Variants in TJAP1 observed in about 807,000 individuals in gnomAD.
TJAP1 encodes the protein tight junction-associated protein 1.
A neutral mutation model predicts 42.0 loss-of-function variants in TJAP1; 27 were observed. The ratio of observed to expected loss-of-function variants is 0.64; its 90% CI spans 0.47 to 0.89. The LOEUF (loss-of-function observed/expected upper bound fraction) is 0.89. Ranked by LOEUF, TJAP1 falls within the 40% of genes least tolerant of loss-of-function variation. The probability of loss-of-function intolerance (pLI) is 0.00; values close to 1 mark genes in which losing one functional copy is unlikely to be tolerated. For synonymous variants in TJAP1, 257 were observed against 288.4 expected (o/e 0.89, Z 1.10); for missense variants, 712 against 726.9 (o/e 0.98, Z 0.24).
intron 2 of TJAP1, among the ~76,000 whole-genome samples, chr6:43,484,093 A>AT (rs1203326597): frequency 6.6e-6 from 1 of 152,068 alleles, no homozygotes; most frequent in Non-Finnish European, 1.5e-5. Context: ...AAAAAAAAAA[A>AT]TAAAATATGG....
chr6:43,498,902 A>T, intron 3 of TJAP1, 76 bp from the exon 4 acceptor site: 1 of 1,492,516 alleles, frequency 6.7e-7, no homozygotes, highest in Non-Finnish European at 9.0e-7. Context: ...GTCCCCTTTC[A>T]CCATCTTTGT....
intron 2 of TJAP1, among the ~76,000 whole-genome samples, chr6:43,483,418 G>A (rs1348462335): frequency 6.6e-6 from 1 of 152,144 alleles, no homozygotes; most frequent in Non-Finnish European, 1.5e-5. Flanking sequence ...CATCCCCTAA[G>A]ACCCAGCTCC....
intron 2 of TJAP1, among the ~76,000 whole-genome samples, chr6:43,483,604 TGTG>T (rs1212616287): frequency 3.3e-5 from 5 of 152,166 alleles, no homozygotes; most frequent in South Asian, 4.1e-4. Flanking sequence ...TTGCAGAACA[TGTG>T]GTGGAGAGGA....
chr6:43,482,262 T>C (rs1461498832), intron 2 of TJAP1, among the ~76,000 whole-genome samples: 3 of 152,250 alleles, frequency 2.0e-5, no homozygotes, highest in Non-Finnish European at 4.4e-5. Context: ...GATTTTGAGC[T>C]GATTCTTCCC....
At chr6:43,498,906 T>G in intron 3 of TJAP1, 72 bp from the exon 4 acceptor site, 2 of 1,503,696 alleles carry the variant, frequency 1.3e-6, no homozygotes, top group Non-Finnish European at 1.8e-6. Context: ...CCTTTCACCA[T>G]CTTTGTTTTT....
At chr6:43,486,967 T>C (rs1786675668) in intron 2 of TJAP1, among the ~76,000 whole-genome samples, 1 of 152,206 alleles carries the variant, frequency 6.6e-6, no homozygotes, top group Non-Finnish European at 1.5e-5. Context: ...TCTTTGCAGA[T>C]GGCAACTTGC....
At position 43,498,959 on chromosome 6, in the gene TJAP1, CCTT is replaced by C. The variant is rs1562268660; in HGVS notation, c.-24-15_-24-13del. Reference sequence around the variant, plus strand: ...TCTGGCCACATCTCTGAGCCTGCCTCCTTCTTGCTTCTCAGCAGGCGGAGGAGC... The same window carrying C: ...TCTGGCCACATCTCTGAGCCTGCCTCCTTGCTTCTCAGCAGGCGGAGGAGC... On this transcript the variant is annotated splice_polypyrimidine_tract_variant and intron_variant, in intron 3 of 10. Transcript: ENST00000372449. 2 of 1,609,138 alleles carry C rather than the reference CCTT, an allele frequency of 1.2e-6. No homozygotes were observed. The highest frequency in any genetic ancestry group is 2.2e-5 in the East Asian group (1 of 44,830).
intron 2 of TJAP1, among the ~76,000 whole-genome samples, chr6:43,494,205 A>G (rs1788498976): frequency 6.6e-6 from 1 of 152,318 alleles, no homozygotes; most frequent in Middle Eastern, 3.4e-3. Flanking sequence ...TTAGGAAGCT[A>G]TCACCCCTCT....
chr6:43,493,841 T>G (rs1788364652), intron 2 of TJAP1, among the ~76,000 whole-genome samples: 1 of 152,130 alleles, frequency 6.6e-6, no homozygotes, highest in Non-Finnish European at 1.5e-5. Context: ...TCCACCACGG[T>G]GGAAGCCCCT....
chr6:43,480,957 G>T (rs1360508177), intron 2 of TJAP1, among the ~76,000 whole-genome samples: 4 of 152,130 alleles, frequency 2.6e-5, no homozygotes, highest in Non-Finnish European at 5.9e-5. Context: ...TTGAACCTAG[G>T]CATTCTAGCT....
rs200207672 is a variant in TJAP1 at position 43,505,568 on chromosome 6, C to T, written c.1387C>T (p.Arg463Ter). Residue 463 changes from arginine (R) to a stop codon, truncating the protein, a stop_gained, in exon 11 of 11, where the codon CGA becomes TGA. Transcript: ENST00000372449. LOFTEE classifies it high-confidence loss of function. This position sits in a 1 kb window ranked among gnomAD's most constrained non-coding sequence, Gnocchi z 5.5. Reference sequence around the variant, plus strand: ...TGAGGTGGTCCAGGCACCTTCTGCCCGACCCGAAGAGAGTGAGCTTTTGCT... The same window carrying T: ...TGAGGTGGTCCAGGCACCTTCTGCCTGACCCGAAGAGAGTGAGCTTTTGCT... 2.5e-5 allele frequency: 41 copies of T among 1,613,616 alleles called. No homozygotes were observed. Among genetic ancestry groups the T allele is most frequent in the Non-Finnish European group, 2.9e-5 (34 of 1,180,044 alleles).
At chr6:43,480,390 AG>A (rs1785060467) in intron 2 of TJAP1, among the ~76,000 whole-genome samples, 1 of 152,226 alleles carries the variant, frequency 6.6e-6, no homozygotes, top group South Asian at 2.1e-4. Context: ...TCCTGTTTGA[AG>A]CTGTGAGGCT....
intron 10 of TJAP1, 161 bp from the exon 11 acceptor site, chr6:43,504,600 G>A: frequency 2.2e-6 from 2 of 924,804 alleles, no homozygotes; most frequent in South Asian, 1.6e-5. Context: ...CTATGTGTCT[G>A]TGAAGTGAGG....
chr6:43,499,194 G>T, intron 4 of TJAP1, 94 bp downstream of exon 4: 1 of 1,551,442 alleles, frequency 6.4e-7, no homozygotes, highest in Non-Finnish European at 8.7e-7. Context: ...TTCTGGTCCT[G>T]AGTTGGGGTG....
intron 2 of TJAP1, among the ~76,000 whole-genome samples, chr6:43,494,608 T>TGGGGTG (rs1788658517): frequency 1.8e-5 from 1 of 56,312 alleles, no homozygotes; most frequent in Non-Finnish European, 3.3e-5. Context: ...AGGTTTAGTT[T>TGGGGTG]GGGGTGGGGG....
intron 3 of TJAP1, among the ~76,000 whole-genome samples, chr6:43,498,471 G>A (rs186890111): frequency 6.6e-6 from 1 of 152,252 alleles, no homozygotes; most frequent in Admixed American, 6.5e-5. Context: ...GATTACTTGA[G>A]CCCAGGAGGT....
At chr6:43,501,917 ACACACACACACTCTCTCT>A (rs1561818591) in intron 6 of TJAP1, among the ~76,000 whole-genome samples, 1 of 128,060 alleles carries the variant, frequency 7.8e-6, no homozygotes, top group African/African-American at 3.0e-5. Flanking sequence ...ACACACACAC[ACACACACACACTCTCTCT>A]CTCTCTCTCT....
rs139399296 is a variant in TJAP1 at position 43,484,086 on chromosome 6, A to C, written c.-122+5854A>C. On this transcript the variant is annotated intron_variant, in intron 2 of 10. Transcript: ENST00000372449. Reference sequence around the variant, plus strand: ...AATCTCTAAAAAAATTAAAAACAAAAAAAAAAATAAAATATGGGTGACATC... The same window carrying C: ...AATCTCTAAAAAAATTAAAAACAAACAAAAAAATAAAATATGGGTGACATC... Among the ~76,000 whole-genome samples, 765 of 152,208 alleles carry C rather than the reference A, an allele frequency of 5.0e-3. 2 individuals are homozygous for C. Among genetic ancestry groups the C allele is most frequent in the African/African-American group, 0.015 (629 of 41,508 alleles).
chr6:43,498,509 C>T (rs1237546563), intron 3 of TJAP1, among the ~76,000 whole-genome samples: 2 of 152,118 alleles, frequency 1.3e-5, no homozygotes, highest in African/African-American at 2.4e-5. Context: ...AAGATTGCGC[C>T]ACTACACTCC....
Sources: gnomAD v4.1 joint callset for allele counts (sites outside exome capture counted in the v4.1 genomes callset) on GRCh38, gnomAD v4.1.1 for gene constraint, Gnocchi (gnomAD v3.1) non-coding constraint, MANE v1.5 for transcripts, NCBI Gene and HGNC (gene_info 2026-07-23, HGNC 2026-07-21) for gene names.